The following SLC16A10 variants were observed in gnomAD, a reference collection of about 807,000 sequenced individuals.
The protein encoded by SLC16A10 is solute carrier family 16 member 10, also known as monocarboxylate transporter 10.
A neutral mutation model predicts 40.0 loss-of-function variants in SLC16A10; 27 were observed. That is an observed-to-expected ratio of 0.67 (90% CI 0.50 to 0.93). SLC16A10 has a LOEUF of 0.93. Ranked by LOEUF, SLC16A10 falls within the 40% of genes least tolerant of loss-of-function variation. SLC16A10 has a pLI of 0.00. For synonymous variants in SLC16A10, 213 were observed against 249.8 expected (o/e 0.85, Z 1.39); for missense variants, 529 against 658.2 (o/e 0.80, Z 2.15).
At chr6:111,139,876 A>G (rs1238064598) in intron 1 of SLC16A10, among the ~76,000 whole-genome samples, 1 of 152,236 alleles carries the variant, frequency 6.6e-6, no homozygotes, top group Non-Finnish European at 1.5e-5. Flanking sequence ...ACTTACACTC[A>G]TACAGTATAT....
At chr6:111,212,709 C>T (rs1388357920) in intron 4 of SLC16A10, among the ~76,000 whole-genome samples, 4 of 151,690 alleles carry the variant, frequency 2.6e-5, no homozygotes, top group African/African-American at 9.7e-5. Context: ...GGGAAGATTG[C>T]TTGAGCTGGG....
intron 1 of SLC16A10, among the ~76,000 whole-genome samples, chr6:111,156,895 A>G (rs1772280231): frequency 6.6e-6 from 1 of 152,184 alleles, no homozygotes; most frequent in East Asian, 1.9e-4. Flanking sequence ...GTAAATCTGA[A>G]ACTATTCTAA....
chr6:111,190,946 A>G (rs1477787214), intron 3 of SLC16A10, among the ~76,000 whole-genome samples: 1 of 152,172 alleles, frequency 6.6e-6, no homozygotes, highest in Admixed American at 6.5e-5. Context: ...GCTTCTTGTC[A>G]CTTATGCAAA....
intron 1 of SLC16A10, among the ~76,000 whole-genome samples, chr6:111,101,995 C>T (rs892981629): frequency 6.6e-6 from 1 of 152,264 alleles, no homozygotes. Flanking sequence ...GTACATTTTT[C>T]TGTATCTCAT....
chr6:111,160,015 A>T (rs897075831), intron 1 of SLC16A10, among the ~76,000 whole-genome samples: 1 of 152,120 alleles, frequency 6.6e-6, no homozygotes, highest in African/African-American at 2.4e-5. Flanking sequence ...TATGTAATTT[A>T]TATACAAGTT....
At chr6:111,173,150 A>G (rs1772619136) in intron 2 of SLC16A10, among the ~76,000 whole-genome samples, 1 of 152,202 alleles carries the variant, frequency 6.6e-6, no homozygotes, top group South Asian at 2.1e-4. Flanking sequence ...CACTCAAGTT[A>G]TAACAATGAT....
At chr6:111,100,992 CTATATA>C (rs71021826) in intron 1 of SLC16A10, among the ~76,000 whole-genome samples, 1,303 of 66,310 alleles carry the variant, frequency 0.02, 12 homozygotes, top group Non-Finnish European at 0.025. Flanking sequence ...CTCTCTCTCT[CTATATA>C]TATATATATA....
Position 111,206,646 on chromosome 6 carries a change from A to G in SLC16A10, c.997A>G (p.Met333Val). The change falls in exon 4 of 6, where the codon ATG (methionine) becomes GTG (valine). Residue 333 changes from methionine to valine, a missense_variant. Met to Val is a conservative substitution (Grantham distance 21). Coordinates refer to ENST00000368851, the MANE Select transcript of SLC16A10 (RefSeq NM_018593.5). ...QDEKNKEVVLMCIGVTSGVGR... is the reference protein window; with the variant it reads ...QDEKNKEVVLVCIGVTSGVGR... ...TGAAAAAAATAAAGAGGTTGTTCTC[A>G]TGTGCATTGGCGTCACTTCAGGAGT... The G allele has an allele frequency of 6.2e-7, 1 of 1,614,160 alleles. No homozygotes were observed. Among genetic ancestry groups the G allele is most frequent in the Non-Finnish European group, 8.5e-7 (1 of 1,180,028 alleles).
At chr6:111,110,154 T>C (rs1019569706) in intron 1 of SLC16A10, among the ~76,000 whole-genome samples, 3 of 152,006 alleles carry the variant, frequency 2.0e-5, no homozygotes, top group Non-Finnish European at 4.4e-5. Flanking sequence ...AATGAGTCAG[T>C]GGGAAATCTC....
At chr6:111,163,812 A>G (rs1303411285) in intron 1 of SLC16A10, among the ~76,000 whole-genome samples, 3 of 152,244 alleles carry the variant, frequency 2.0e-5, no homozygotes, top group Admixed American at 6.5e-5. Context: ...TGATGACTCA[A>G]AAATTTTTAA....
intron 1 of SLC16A10, among the ~76,000 whole-genome samples, chr6:111,097,610 G>A (rs1771097375): frequency 1.3e-5 from 2 of 152,172 alleles, no homozygotes; most frequent in Admixed American, 6.5e-5. Flanking sequence ...CACCATGCCC[G>A]GCCAAGCTTT....
chr6:111,124,939 ACT>A (rs1267523334), intron 1 of SLC16A10, among the ~76,000 whole-genome samples: 1 of 152,158 alleles, frequency 6.6e-6, no homozygotes, highest in East Asian at 1.9e-4. Context: ...AGTTTTTCTC[ACT>A]GTTAATTAGT....
intron 3 of SLC16A10, among the ~76,000 whole-genome samples, chr6:111,185,125 C>G (rs1407005041): frequency 6.6e-6 from 1 of 152,216 alleles, no homozygotes; most frequent in Admixed American, 6.5e-5. Context: ...CTCACAGAAC[C>G]ACCACAAGGA....
At chr6:111,126,904 C>G (rs1412375946) in intron 1 of SLC16A10, among the ~76,000 whole-genome samples, 1 of 152,032 alleles carries the variant, frequency 6.6e-6, no homozygotes, top group Admixed American at 6.6e-5. Context: ...AATGGAGGAC[C>G]TTATAGGATT....
intron 1 of SLC16A10, among the ~76,000 whole-genome samples, chr6:111,137,628 C>G (rs1024958621): frequency 3.9e-5 from 6 of 152,354 alleles, no homozygotes; most frequent in Middle Eastern, 3.4e-3. Flanking sequence ...AAAGGCACCC[C>G]TCCCGAGGAA....
chr6:111,146,837 G>T (rs372125107), intron 1 of SLC16A10, among the ~76,000 whole-genome samples: 1 of 152,024 alleles, frequency 6.6e-6, no homozygotes, highest in Non-Finnish European at 1.5e-5. Context: ...TAAGCAAAAC[G>T]TGGTGTATTA....
At chr6:111,218,773 G>C (rs761984618) in intron 4 of SLC16A10, 41 bp from the exon 5 acceptor site, 2 of 1,539,792 alleles carry the variant, frequency 1.3e-6, no homozygotes, top group African/African-American at 1.4e-5. Flanking sequence ...TGTGACATTT[G>C]CTTCCTGCGA....
chr6:111,190,638 C>T (rs974186189), intron 3 of SLC16A10, among the ~76,000 whole-genome samples: 1 of 152,258 alleles, frequency 6.6e-6, no homozygotes, highest in Non-Finnish European at 1.5e-5. Flanking sequence ...GATTTCTGTG[C>T]ACCCGCAGAC....
At chr6:111,197,878 C>G (rs1773105105) in intron 3 of SLC16A10, among the ~76,000 whole-genome samples, 1 of 152,128 alleles carries the variant, frequency 6.6e-6, no homozygotes, top group Non-Finnish European at 1.5e-5. Flanking sequence ...TGCTAAGCCA[C>G]TTGTGATGGA....
Sources: allele counts gnomAD v4.1 joint callset (sites outside exome capture counted in the v4.1 genomes callset), GRCh38; gene constraint gnomAD v4.1.1; transcripts MANE v1.5; gene names NCBI Gene and HGNC (gene_info 2026-07-23, HGNC 2026-07-21).